CPM: variants seen among roughly 807,000 people sequenced by gnomAD.
The protein encoded by CPM is renal carboxypeptidase.
In CPM, 35 loss-of-function variants were observed where a neutral mutation model predicts 46.4. That is an observed-to-expected ratio of 0.75 (90% CI 0.58 to 1.00). The LOEUF is 1.00. Ranked by LOEUF, CPM falls within the 50% of genes least tolerant of loss-of-function variation. The probability of loss-of-function intolerance (pLI) is 0.00; values close to 1 mark genes in which losing one functional copy is unlikely to be tolerated. For synonymous variants in CPM, 195 were observed against 195.3 expected (o/e 1.00, Z 0.01); for missense variants, 422 against 530.4 (o/e 0.80, Z 2.01).
intron 1 of CPM, among the ~76,000 whole-genome samples, chr12:68,955,187 C>T (rs999443902): frequency 1.2e-4 from 19 of 152,134 alleles, no homozygotes; most frequent in African/African-American, 4.6e-4. Context: ...GCAAAGGTGC[C>T]GCCAGCCACA....
chr12:68,909,590 T>G (rs1386683426), intron 2 of CPM, among the ~76,000 whole-genome samples: 3 of 152,098 alleles, frequency 2.0e-5, no homozygotes, highest in Admixed American at 6.6e-5. Context: ...CCAACCCAAA[T>G]GTCCATCAAT....
chr12:68,895,612 T>C (rs767461241), intron 2 of CPM, among the ~76,000 whole-genome samples: 32 of 152,248 alleles, frequency 2.1e-4, no homozygotes, highest in South Asian at 1.2e-3. Context: ...TGCTGATACC[T>C]GTGCTTTTTC....
intron 3 of CPM, among the ~76,000 whole-genome samples, chr12:68,877,735 C>A (rs1026178843): frequency 1.3e-5 from 2 of 152,162 alleles, no homozygotes; most frequent in Non-Finnish European, 2.9e-5. Context: ...GGAGCTTGGG[C>A]AGCGGCATTT....
intron 2 of CPM, among the ~76,000 whole-genome samples, chr12:68,899,719 G>A (rs1230618030): frequency 6.6e-6 from 1 of 152,200 alleles, no homozygotes; most frequent in Admixed American, 6.5e-5. Flanking sequence ...CGATGGGTGA[G>A]CCTTGCTTGA....
At chr12:68,893,165 C>T (rs1174593249) in intron 2 of CPM, among the ~76,000 whole-genome samples, 1 of 122,050 alleles carries the variant, frequency 8.2e-6, no homozygotes, top group South Asian at 2.7e-4. Flanking sequence ...AAAAAAAAGA[C>T]AGTAGGGTGG....
chr12:68,931,742 A>G (rs145622610), intron 2 of CPM, among the ~76,000 whole-genome samples: 1 of 118,320 alleles, frequency 8.5e-6, no homozygotes, highest in Non-Finnish European at 1.7e-5. Flanking sequence ...CGAGACTCTG[A>G]CCAAAAAAAA....
At chr12:68,926,636 T>C (rs1481692458) in intron 2 of CPM, among the ~76,000 whole-genome samples, 1 of 152,156 alleles carries the variant, frequency 6.6e-6, no homozygotes, top group Non-Finnish European at 1.5e-5. Context: ...TATGTATACA[T>C]GTGCCATGCT....
intron 8 of CPM, among the ~76,000 whole-genome samples, chr12:68,857,859 ATAT>A (rs1361398262): frequency 6.6e-6 from 1 of 152,222 alleles, no homozygotes; most frequent in Non-Finnish European, 1.5e-5. Context: ...AGGGAAAATC[ATAT>A]TTTTAAATAG....
intron 1 of CPM, among the ~76,000 whole-genome samples, chr12:68,961,311 A>G (rs1889107621): frequency 6.6e-6 from 1 of 151,816 alleles, no homozygotes; most frequent in Non-Finnish European, 1.5e-5. Flanking sequence ...ATGCCTGGCT[A>G]ATTTTGTGTT....
At chr12:68,868,220 A>C (rs374176650) in intron 6 of CPM, among the ~76,000 whole-genome samples, 10 of 152,176 alleles carry the variant, frequency 6.6e-5, no homozygotes, top group African/African-American at 2.4e-4. Flanking sequence ...AGAAGCCCTA[A>C]GGTAGGAGAG....
Position 68,927,946 on chromosome 12 carries a change from C to T in CPM, c.160+4732G>A, listed in dbSNP as rs552572344. Among the ~76,000 whole-genome samples the T allele has an allele frequency of 3.3e-5, 5 of 152,206 alleles. No individual in the cohort carries two copies. In the East Asian group the frequency reaches 9.6e-4, roughly 29 times the overall value. ...ATATCGTGAAAATGGCCATACTGCC[C>T]AAGGTAATTTATAGATTCAATGCCA... On this transcript the variant is annotated intron_variant, in intron 2 of 8. Coordinates refer to ENST00000551568, the MANE Select transcript of CPM (RefSeq NM_198320.5).
At chr12:68,893,525 T>C (rs1221743106) in intron 2 of CPM, among the ~76,000 whole-genome samples, 1 of 152,188 alleles carries the variant, frequency 6.6e-6, no homozygotes, top group Non-Finnish European at 1.5e-5. Context: ...CCAGGGGTCT[T>C]GTGCTGCTGT....
intron 6 of CPM, among the ~76,000 whole-genome samples, 162 bp downstream of exon 6, chr12:68,869,163 C>G (rs977970200): frequency 6.6e-6 from 1 of 152,158 alleles, no homozygotes; most frequent in Non-Finnish European, 1.5e-5. Context: ...ATCTCTCAAA[C>G]AATCAGTCAT....
intron 2 of CPM, among the ~76,000 whole-genome samples, chr12:68,932,439 A>C (rs1888548035): frequency 6.6e-6 from 1 of 152,262 alleles, no homozygotes; most frequent in African/African-American, 2.4e-5. Context: ...GAAGAACTCC[A>C]ATAATGGAAA....
intron 2 of CPM, among the ~76,000 whole-genome samples, chr12:68,886,703 A>T (rs1335285033): frequency 6.6e-6 from 1 of 152,130 alleles, no homozygotes; most frequent in Non-Finnish European, 1.5e-5. Context: ...AAAGCAGGAG[A>T]TCCTGAATTC....
At position 68,852,209 on chromosome 12, in the gene CPM, G is replaced by A. The variant is rs1356982791; in HGVS notation, c.*4228C>T. On this transcript the variant is annotated 3_prime_UTR_variant, in exon 9 of 9. Coordinates refer to ENST00000551568, the MANE Select transcript of CPM (RefSeq NM_198320.5). ...CAGATACATCCAACAGTTCATGTCT[G>A]AATGTAATTAAGCATCCAAATCAAC... is the stretch of plus-strand genomic sequence containing the variant. The A allele has an allele frequency of 2.0e-5, 3 of 152,230 alleles. No homozygotes were observed. Among genetic ancestry groups the A allele is most frequent in the Non-Finnish European group, 4.4e-5 (3 of 68,034 alleles). 9.4% of individuals were successfully genotyped at this position (152,230 alleles called of 1,614,324 possible).
At position 68,861,168 on chromosome 12, in the gene CPM, G is replaced by A. The variant is rs1433874446; in HGVS notation, c.941-2097C>T. Among the ~76,000 whole-genome samples, 12 of 152,124 alleles carry A rather than the reference G, an allele frequency of 7.9e-5. No homozygotes were observed. The East Asian group carries it at 2.3e-3, about 29-fold the overall frequency. On this transcript the variant is annotated intron_variant, in intron 7 of 8. Transcript: ENST00000551568. ...GCTGGAGTGCAGGGATTATAGGTGTGAGCCACCAGGCCTGGCTTTCTTTCC... is the reference window on the plus strand; with the variant it reads ...GCTGGAGTGCAGGGATTATAGGTGTAAGCCACCAGGCCTGGCTTTCTTTCC...
chr12:68,859,074 G>T lies in CPM; in HGVS notation c.941-3C>A. ...ATCAAAAACTTGACCCTTTACACCTGCAAGACAAAAATAAAATTAAATATT... is the reference window on the plus strand; with the variant it reads ...ATCAAAAACTTGACCCTTTACACCTTCAAGACAAAAATAAAATTAAATATT... On this transcript the variant is annotated splice_region_variant and splice_polypyrimidine_tract_variant and intron_variant, in intron 7 of 8. Transcript: ENST00000551568. The T allele has an allele frequency of 1.4e-6, 2 of 1,452,970 alleles. No homozygotes were observed. The highest frequency in any genetic ancestry group is 1.8e-6 in the Non-Finnish European group (2 of 1,102,618). The allele number at this position is 1,452,970 out of a possible 1,614,324, so 90.0% of individuals were successfully genotyped here.
At chr12:68,939,884 G>C (rs955278405) in intron 1 of CPM, among the ~76,000 whole-genome samples, 1 of 151,964 alleles carries the variant, frequency 6.6e-6, no homozygotes, top group African/African-American at 2.4e-5. Context: ...TTAAGTTTTA[G>C]TATTAATGTG....
Sources: gnomAD v4.1 joint callset for allele counts (sites outside exome capture counted in the v4.1 genomes callset) on GRCh38, gnomAD v4.1.1 for gene constraint, MANE v1.5 for transcripts, NCBI Gene and HGNC (gene_info 2026-07-23, HGNC 2026-07-21) for gene names.